Variants in PDCD11 observed in about 807,000 individuals in gnomAD.
PDCD11 encodes the protein programmed cell death 11.
Under a neutral mutation model 198.9 loss-of-function variants are expected in PDCD11, and 97 were observed. The ratio of observed to expected loss-of-function variants is 0.49; its 90% CI spans 0.41 to 0.58. PDCD11 has a LOEUF of 0.58. Among genes scored for constraint, PDCD11 ranks in the 20% least tolerant of loss-of-function variants. PDCD11 has a pLI of 0.00. For missense variants in PDCD11, 2,102 were observed against 2,312.7 expected, an observed-to-expected ratio of 0.91 and a Z score of 1.87; for synonymous variants, 893 against 918.0, an observed-to-expected ratio of 0.97 and a Z score of 0.49.
chr10:103,443,795 CCT>C lies in PDCD11; in HGVS notation c.5125-119_5125-118del, dbSNP rs1233419280. 5 of 996,894 alleles carry C rather than the reference CCT, an allele frequency of 5.0e-6. No homozygotes were observed. The East Asian group carries it at 1.2e-4, about 24-fold the overall frequency. 61.8% of individuals were successfully genotyped at this position (996,894 alleles called of 1,614,324 possible). A position where few individuals can be genotyped will look rare whatever the true frequency, so the allele number is the denominator to read the frequency against. On this transcript the variant is annotated intron_variant, in intron 33 of 35. Transcript: ENST00000369797. ...TCCTCTCAGGTCTCTAGCATTAGGC[CCT>C]GAGAGTGATTTGGTGTCTGGGAGCC...
At position 103,427,403 on chromosome 10, in the gene PDCD11, A is replaced by G. The variant is rs1182357837; in HGVS notation, c.3368+12A>G. On this transcript the variant is annotated intron_variant, in intron 21 of 35. Transcript: ENST00000369797. Reference sequence around the variant, plus strand: ...AGTGTTCGGCCAAGGTGAGGGGGACATTAGCAGCACTGTCTTACGGAAAGA... The same window carrying G: ...AGTGTTCGGCCAAGGTGAGGGGGACGTTAGCAGCACTGTCTTACGGAAAGA... 1.1e-5 allele frequency: 18 copies of G among 1,606,396 alleles called. No homozygotes were observed. The highest frequency in any genetic ancestry group is 1.4e-5 in the Non-Finnish European group (17 of 1,175,124).
intron 4 of PDCD11, 132 bp downstream of exon 4, chr10:103,403,417 G>T: frequency 3.8e-6 from 3 of 789,078 alleles, no homozygotes; most frequent in South Asian, 3.7e-5. Context: ...AGGAATTTTT[G>T]ACTAAGTCTG....
chr10:103,413,089 G>A (rs2133694906), intron 8 of PDCD11, 27 bp from the exon 9 acceptor site: 1 of 1,600,780 alleles, frequency 6.2e-7, no homozygotes, highest in Non-Finnish European at 8.6e-7. Context: ...GCCTCCTCCT[G>A]CTCACCCTGC....
chr10:103,433,260 C>T (rs992400264), intron 22 of PDCD11, among the ~76,000 whole-genome samples: 2 of 152,034 alleles, frequency 1.3e-5, no homozygotes, highest in Admixed American at 1.3e-4. Flanking sequence ...TTTGGGAGGC[C>T]GAGGTGGGCA....
At chr10:103,445,330 C>A in intron 35 of PDCD11, 48 bp from the exon 36 acceptor site, 1 of 1,594,900 alleles carries the variant, frequency 6.3e-7, no homozygotes, top group South Asian at 1.1e-5. Flanking sequence ...GCAGGAAGCA[C>A]GTGACCTGGG....
At chr10:103,410,436 TAGG>T (rs1428409351) in intron 8 of PDCD11, among the ~76,000 whole-genome samples, 1 of 151,996 alleles carries the variant, frequency 6.6e-6, no homozygotes, top group Non-Finnish European at 1.5e-5. Context: ...ATATTTAACA[TAGG>T]AGAATAAGAT....
chr10:103,419,728 C>T lies in PDCD11; in HGVS notation c.2277+20C>T, dbSNP rs1396270821. The stretch of plus-strand genomic sequence containing the variant: ...AAAGCTGTAAGTTCAACTCCATGTA[C>T]AAGGGCTTTGAGGAGAGATACAAGG... On this transcript the variant is annotated intron_variant, in intron 16 of 35. Transcript: ENST00000369797. 1.9e-6 allele frequency: 3 copies of T among 1,611,470 alleles called. No individual in the cohort carries two copies. The highest frequency in any genetic ancestry group is 2.7e-5 in the African/African-American group (2 of 74,804).
chr10:103,416,426 A>C lies in PDCD11; in HGVS notation c.1519-65A>C. ...GTGGCTTTTGGGTTTAAGAGGTTGCAGAGACCAGCTCAGTGGCTCTCATGA... is the reference window on the plus strand; with the variant it reads ...GTGGCTTTTGGGTTTAAGAGGTTGCCGAGACCAGCTCAGTGGCTCTCATGA... On this transcript the variant is annotated intron_variant, in intron 12 of 35. Transcript: ENST00000369797. 4 of 1,569,868 alleles carry C rather than the reference A, an allele frequency of 2.5e-6. No individual in the cohort carries two copies. The South Asian group carries it at 4.7e-5, about 18-fold the overall frequency.
chr10:103,446,260 T>C lies in PDCD11; in HGVS notation c.*711T>C, dbSNP rs1256456001. ...TGTTGAAGCCAGTTCTTTTTTGTCTTGGTCATGAGGGAATTAAACGTTTTC... is the reference window on the plus strand; with the variant it reads ...TGTTGAAGCCAGTTCTTTTTTGTCTCGGTCATGAGGGAATTAAACGTTTTC... On this transcript the variant is annotated 3_prime_UTR_variant, in exon 36 of 36. Transcript: ENST00000369797. 6.6e-6 allele frequency: 1 copy of C among 152,286 alleles called. No individual in the cohort carries two copies. Among genetic ancestry groups the C allele is most frequent in the Non-Finnish European group, 1.5e-5 (1 of 68,092 alleles). The allele number at this position is 152,286 out of a possible 1,614,324, so 9.4% of individuals were successfully genotyped here.
At position 103,415,149 on chromosome 10, in the gene PDCD11, C is replaced by T. The variant is rs771642253; in HGVS notation, c.1516C>T (p.Arg506Trp). The T allele has an allele frequency of 7.4e-6, 12 of 1,613,624 alleles. No individual in the cohort carries two copies. The highest frequency in any genetic ancestry group is 1.7e-5 in the Admixed American group (1 of 59,996). Reference sequence around the variant, plus strand: ...CCACATCGGGGATGAGGTCAAGTGCCGGGTGAGCCTCCTGAAGGGTCTCTT... The same window carrying T: ...CCACATCGGGGATGAGGTCAAGTGCTGGGTGAGCCTCCTGAAGGGTCTCTT... ...KYHIGDEVKC[R>W]VLLCDPEAKK... The change falls in exon 12 of 36, where the codon CGG becomes TGG. Residue 506 changes from arginine (R) to tryptophan (W), a missense_variant and splice_region_variant. Transcript: ENST00000369797.
Position 103,403,234 on chromosome 10 carries a change from T to A in PDCD11, c.351T>A (p.Asp117Glu). 2 of 1,614,176 alleles carry A rather than the reference T, an allele frequency of 1.2e-6. 1 individual carries two copies. The highest frequency in any genetic ancestry group is 1.7e-6 in the Non-Finnish European group (2 of 1,180,022). Residue 117 changes from aspartate to glutamate, a missense_variant, in exon 4 of 36, where the codon GAT becomes GAA. Coordinates refer to ENST00000369797, the MANE Select transcript of PDCD11 (RefSeq NM_014976.2). ...TTGTGCAAGTCACTGAAATCTGTGA[T>A]GCCTACACCAAAAAGCTGAATGAGC... ...QGFVQVTEIC[D>E]AYTKKLNEQV...
intron 25 of PDCD11, among the ~76,000 whole-genome samples, chr10:103,435,339 T>A (rs911857079): frequency 1.3e-5 from 2 of 152,198 alleles, no homozygotes; most frequent in Non-Finnish European, 2.9e-5. Context: ...GGGGTTTTTT[T>A]AATTGAAATT....
At chr10:103,429,384 A>G (rs1025636126) in intron 21 of PDCD11, among the ~76,000 whole-genome samples, 2 of 152,174 alleles carry the variant, frequency 1.3e-5, no homozygotes, top group Admixed American at 1.3e-4. Context: ...AACAAAGGAT[A>G]ACACATATCC....
intron 21 of PDCD11, among the ~76,000 whole-genome samples, chr10:103,428,106 G>A (rs1477215394): frequency 2.0e-5 from 3 of 152,130 alleles, no homozygotes; most frequent in African/African-American, 4.8e-5. Flanking sequence ...AGGAGTTCCA[G>A]ACTAGCCTGA....
chr10:103,435,000 T>G, intron 25 of PDCD11, 25 bp downstream of exon 25: 1 of 1,449,320 alleles, frequency 6.9e-7, no homozygotes, highest in Non-Finnish European at 9.2e-7. Context: ...CTTCCTCTTT[T>G]CACCTGTCTG....
rs943233590 is a variant in PDCD11, at chr10:103,421,549, A to C, written c.2479A>C (p.Ser827Arg). 1.9e-6 allele frequency: 3 copies of C among 1,561,714 alleles called. No individual in the cohort carries two copies. The South Asian group carries it at 3.5e-5, about 18-fold the overall frequency. Residue 827 changes from serine (S) to arginine (R), a missense_variant, in exon 17 of 36, where the codon AGC becomes CGC. Coordinates refer to ENST00000369797, the MANE Select transcript of PDCD11 (RefSeq NM_014976.2). ...QCLEELQGVR[S>R]LMSNRDSVLI... The stretch of plus-strand genomic sequence containing the variant: ...CCTGGAGGAGCTGCAGGGCGTGCGC[A>C]GCCTTATGAGCAACCGAGGTGGGGC...
At position 103,419,682 on chromosome 10, in the gene PDCD11, G is replaced by A. The variant is rs2031314802; in HGVS notation, c.2251G>A (p.Gly751Ser). Residue 751 changes from glycine (G) to serine (S), a missense_variant, in exon 16 of 36, where the codon GGT becomes AGT. Coordinates refer to ENST00000369797, the MANE Select transcript of PDCD11 (RefSeq NM_014976.2). Reference protein sequence around the residue: ...DYGVFIQFPSGLSGLAPKAIM... With the variant: ...DYGVFIQFPSSLSGLAPKAIM... ...TGGCGTGTTCATCCAGTTCCCCTCA[G>A]GTCTTAGCGGACTGGCCCCAAAAGC... 1 of 1,614,022 alleles carries A rather than the reference G, an allele frequency of 6.2e-7. No individual in the cohort carries two copies.
intron 5 of PDCD11, among the ~76,000 whole-genome samples, 168 bp from the exon 6 acceptor site, chr10:103,405,817 G>A (rs900739130): frequency 2.0e-5 from 3 of 152,212 alleles, no homozygotes; most frequent in Admixed American, 1.3e-4. Flanking sequence ...GCCTGGGAGT[G>A]TTGAATTTGA....
intron 25 of PDCD11, 33 bp from the exon 26 acceptor site, chr10:103,437,982 T>C (rs771041504): frequency 1.9e-6 from 3 of 1,595,278 alleles, no homozygotes; most frequent in Non-Finnish European, 1.7e-6. Flanking sequence ...ATGCTGAAAA[T>C]TGAGCGTTTC....
Sources: gnomAD v4.1 joint callset for allele counts (sites outside exome capture counted in the v4.1 genomes callset) on GRCh38, gnomAD v4.1.1 for gene constraint, MANE v1.5 for transcripts, NCBI Gene and HGNC (gene_info 2026-07-23, HGNC 2026-07-21) for gene names.